The following POPDC1 variants were observed in gnomAD, a reference collection of about 807,000 sequenced individuals.
The protein encoded by POPDC1 is popeye domain cAMP effector 1, also known as popeye domain-containing protein 1.
the POPDC1 span, among the ~76,000 whole-genome samples, chr6:105,107,807 C>CT: frequency 4.9e-4 from 74 of 151,066 alleles, no homozygotes; most frequent in Admixed American, 2.0e-3. Context: ...GATTTAATGG[C>CT]TTTTTTTTTC....
the POPDC1 span, among the ~76,000 whole-genome samples, chr6:105,124,209 C>T: frequency 7.9e-5 from 12 of 151,940 alleles, no homozygotes; most frequent in African/African-American, 2.4e-4. Context: ...GGTGAAACCC[C>T]GTTGCTACTA....
the POPDC1 span, among the ~76,000 whole-genome samples, chr6:105,124,071 A>G: frequency 6.6e-6 from 1 of 152,156 alleles, no homozygotes; most frequent in Non-Finnish European, 1.5e-5. Context: ...TTTCTATAAC[A>G]TTTTCTGTAC....
At chr6:105,133,203 C>T in the POPDC1 span, 3 of 634,276 alleles carry the variant, frequency 4.7e-6, no homozygotes, top group African/African-American at 5.5e-5. Context: ...ATGCTCTAAG[C>T]TAATTGATAT....
At chr6:105,133,591 G>A in the POPDC1 span, 18 of 1,551,280 alleles carry the variant, frequency 1.2e-5, no homozygotes, top group Non-Finnish European at 1.6e-5. Flanking sequence ...GAAAATTCCT[G>A]TAAAAACAAG....
At chr6:105,114,924 G>A in the POPDC1 span, among the ~76,000 whole-genome samples, 1 of 152,206 alleles carries the variant, frequency 6.6e-6, no homozygotes. Context: ...GCCAGCAGCA[G>A]AACACCCAGC....
the POPDC1 span, among the ~76,000 whole-genome samples, chr6:105,103,376 A>G: frequency 1.3e-5 from 2 of 152,190 alleles, no homozygotes; most frequent in African/African-American, 4.8e-5. Flanking sequence ...ATCATTGCTC[A>G]TAAGAATGGC....
At chr6:105,108,155 A>AG in the POPDC1 span, among the ~76,000 whole-genome samples, 1 of 152,176 alleles carries the variant, frequency 6.6e-6, no homozygotes, top group Admixed American at 6.6e-5. Context: ...TGAGCAGCCA[A>AG]GGAGGAGCAA....
chr6:105,100,996 G>T, the POPDC1 span: 2 of 1,449,944 alleles, frequency 1.4e-6, no homozygotes, highest in Non-Finnish European at 9.3e-7. Flanking sequence ...ATGCACTAAA[G>T]CAGAATAACC....
chr6:105,126,547 T>C, the POPDC1 span, among the ~76,000 whole-genome samples: 1 of 152,204 alleles, frequency 6.6e-6, no homozygotes, highest in Non-Finnish European at 1.5e-5. Context: ...GTTTAGGTTT[T>C]CAATGTTGTC....
the POPDC1 span, among the ~76,000 whole-genome samples, chr6:105,127,430 C>T: frequency 6.6e-6 from 1 of 151,988 alleles, no homozygotes; most frequent in East Asian, 1.9e-4. Context: ...CTGCTCATCC[C>T]GTAACTCTCA....
chr6:105,122,637 A>G, the POPDC1 span, among the ~76,000 whole-genome samples: 1 of 152,244 alleles, frequency 6.6e-6, no homozygotes, highest in Non-Finnish European at 1.5e-5. Context: ...CTGCTACTAT[A>G]CACAGAGAAA....
the POPDC1 span, among the ~76,000 whole-genome samples, chr6:105,114,199 A>C: frequency 6.6e-6 from 1 of 152,166 alleles, no homozygotes. Context: ...AAACTGTTTA[A>C]TTGCTTCTTT....
chr6:105,132,369 G>A, the POPDC1 span, among the ~76,000 whole-genome samples: 46 of 152,162 alleles, frequency 3.0e-4, no homozygotes, highest in African/African-American at 1.1e-3. Context: ...CATTTACTCA[G>A]ATAAATCCTG....
chr6:105,099,732 T>G, the POPDC1 span: 1 of 152,346 alleles, frequency 6.6e-6, no homozygotes, highest in Non-Finnish European at 1.5e-5. Flanking sequence ...TTCCACTGTG[T>G]TCACGTTCGC....
chr6:105,127,634 C>G, the POPDC1 span, among the ~76,000 whole-genome samples: 1 of 151,692 alleles, frequency 6.6e-6, no homozygotes, highest in Non-Finnish European at 1.5e-5. Context: ...GAGACAGGGT[C>G]TATGTTGCAC....
At chr6:105,097,824 A>G in the POPDC1 span, 16 of 152,348 alleles carry the variant, frequency 1.1e-4, no homozygotes, top group African/African-American at 3.8e-4. Flanking sequence ...AGAAATGGAG[A>G]AGATTCCAGA....
At chr6:105,130,615 T>G in the POPDC1 span, among the ~76,000 whole-genome samples, 1 of 152,188 alleles carries the variant, frequency 6.6e-6, no homozygotes, top group African/African-American at 2.4e-5. Context: ...GATGATTTTG[T>G]TGCTGTGTGA....
At chr6:105,127,744 C>A in the POPDC1 span, among the ~76,000 whole-genome samples, 2 of 151,818 alleles carry the variant, frequency 1.3e-5, no homozygotes, top group Non-Finnish European at 2.9e-5. Context: ...CCTCATGAAG[C>A]CCTCTTAATT....
the POPDC1 span, among the ~76,000 whole-genome samples, chr6:105,104,543 C>T: frequency 6.6e-6 from 1 of 152,120 alleles, no homozygotes; most frequent in African/African-American, 2.4e-5. Flanking sequence ...ATGGACATCA[C>T]CTTTAATTTC....
Sources: allele counts gnomAD v4.1 joint callset (sites outside exome capture counted in the v4.1 genomes callset), GRCh38; gene constraint gnomAD v4.1.1; transcripts MANE v1.5; gene names NCBI Gene and HGNC (gene_info 2026-07-23, HGNC 2026-07-21).